The following SLC9A4 variants were observed in gnomAD, a reference collection of about 807,000 sequenced individuals.
SLC9A4 encodes the protein sodium/hydrogen exchanger 4.
SLC9A4 carries 63 observed loss-of-function variants against 67.4 expected under a neutral mutation model. That is an observed-to-expected ratio of 0.93 (90% confidence interval 0.76 to 1.15). The LOEUF is 1.15. SLC9A4 is among the 50% of genes most tolerant of loss of function. SLC9A4 has a pLI of 0.00. For synonymous variants in SLC9A4, 393 were observed against 367.2 expected (o/e 1.07, Z -0.80); for missense variants, 1,089 against 987.7 (o/e 1.10, Z -1.38).
intron 6 of SLC9A4, among the ~76,000 whole-genome samples, chr2:102,510,112 GTCC>G (rs974500069): frequency 6.7e-6 from 1 of 150,138 alleles, no homozygotes; most frequent in African/African-American, 2.5e-5. Context: ...CTTTCATTTT[GTCC>G]TCCTTTTTTG....
intron 2 of SLC9A4, among the ~76,000 whole-genome samples, chr2:102,495,338 A>T (rs1228734295): frequency 6.6e-6 from 1 of 152,134 alleles, no homozygotes; most frequent in Non-Finnish European, 1.5e-5. Context: ...AGATCCTTTC[A>T]TTGAATATTA....
In SLC9A4 at chr2:102,479,312, C is replaced by T. The variant is rs530451558; in HGVS notation, c.720+10C>T. 3 of 1,595,240 alleles carry T rather than the reference C, an allele frequency of 1.9e-6. No individual in the cohort carries two copies. The highest frequency in any genetic ancestry group is 2.2e-5 in the East Asian group (1 of 44,498). Reference sequence around the variant, plus strand: ...TGATGGCATTACTGTGGTGAGATGTCATGTGCCCGCCCGGCTTCCGGGGGA... The same window carrying T: ...TGATGGCATTACTGTGGTGAGATGTTATGTGCCCGCCCGGCTTCCGGGGGA... On this transcript the variant is annotated intron_variant, in intron 2 of 11. Coordinates refer to ENST00000295269, the MANE Select transcript of SLC9A4 (RefSeq NM_001011552.4).
At chr2:102,483,799 CATATATATATATATATATAT>C (rs61195337) in intron 2 of SLC9A4, among the ~76,000 whole-genome samples, 1,868 of 114,298 alleles carry the variant, frequency 0.016, 73 homozygotes, top group African/African-American at 0.057. Context: ...CCATGTACAG[CATATATATATATATATATAT>C]ATATATATAT....
At chr2:102,523,436 T>G (rs1456585082) in intron 9 of SLC9A4, among the ~76,000 whole-genome samples, 2 of 152,212 alleles carry the variant, frequency 1.3e-5, no homozygotes, top group Non-Finnish European at 2.9e-5. Context: ...AGGATGCCAT[T>G]GTCAATCCCT....
chr2:102,491,933 A>G (rs1684711511), intron 2 of SLC9A4, among the ~76,000 whole-genome samples: 1 of 152,160 alleles, frequency 6.6e-6, no homozygotes, highest in African/African-American at 2.4e-5. Flanking sequence ...ACCTCTTCCA[A>G]ATGGGAGAAA....
chr2:102,514,260 T>A lies in SLC9A4; in HGVS notation c.1721+9T>A. On this transcript the variant is annotated intron_variant, in intron 8 of 11. Transcript: ENST00000295269. ...TTCTCCATACCCCATCAGTGAGTCATATCTGTTCTTTGTTCTAAACTTTCA... is the reference window on the plus strand; with the variant it reads ...TTCTCCATACCCCATCAGTGAGTCAAATCTGTTCTTTGTTCTAAACTTTCA... 1 of 1,588,072 alleles carries A rather than the reference T, an allele frequency of 6.3e-7. No individual in the cohort carries two copies. The highest frequency in any genetic ancestry group is 8.6e-7 in the Non-Finnish European group (1 of 1,164,818).
intron 7 of SLC9A4, among the ~76,000 whole-genome samples, 188 bp from the exon 8 acceptor site, chr2:102,513,902 T>A (rs145475960): frequency 0.015 from 2,339 of 152,346 alleles, 23 homozygotes; most frequent in Non-Finnish European, 0.026. Context: ...TTTTTTTTAT[T>A]TTAAAAAATG....
At chr2:102,522,557 C>T (rs1685450937) in intron 9 of SLC9A4, among the ~76,000 whole-genome samples, 1 of 152,086 alleles carries the variant, frequency 6.6e-6, no homozygotes, top group Admixed American at 6.6e-5. Flanking sequence ...AAAGTGCAGC[C>T]TCCTCCCAAG....
chr2:102,513,927 A>AT lies in SLC9A4; in HGVS notation c.1560-156dup, dbSNP rs553915122. On this transcript the variant is annotated intron_variant, in intron 7 of 11. Transcript: ENST00000295269. The stretch of plus-strand genomic sequence containing the variant: ...TTTAAAAAATGCATAAATGCTATGA[A>AT]TTTTTTTAAAAAATGTGTTCAAATG... 2.8e-4 allele frequency among the ~76,000 whole-genome samples: 42 copies of AT among 152,266 alleles called. No individual in the cohort carries two copies. In the South Asian group the frequency reaches 8.5e-3, roughly 31 times the overall value.
chr2:102,488,408 G>A (rs1053769602), intron 2 of SLC9A4, among the ~76,000 whole-genome samples: 1 of 152,100 alleles, frequency 6.6e-6, no homozygotes, highest in African/African-American at 2.4e-5. Flanking sequence ...CAGGCGATGG[G>A]TGAGGGAGGA....
chr2:102,530,992 T>A (rs978885523), intron 11 of SLC9A4, among the ~76,000 whole-genome samples: 2 of 152,186 alleles, frequency 1.3e-5, no homozygotes, highest in African/African-American at 4.8e-5. Flanking sequence ...GAGTTTTTGT[T>A]TTGTTTTTTT....
At chr2:102,475,142 T>A (rs541466040) in intron 1 of SLC9A4, among the ~76,000 whole-genome samples, 6 of 152,234 alleles carry the variant, frequency 3.9e-5, no homozygotes, top group Non-Finnish European at 8.8e-5. Flanking sequence ...GCTTAGTGAA[T>A]AAGTTACACA....
chr2:102,511,735 T>A (rs1204966211), intron 6 of SLC9A4, among the ~76,000 whole-genome samples: 1 of 152,038 alleles, frequency 6.6e-6, no homozygotes, highest in Non-Finnish European at 1.5e-5. Context: ...TATGTTATAG[T>A]AGAATATTAA....
At chr2:102,515,674 T>C (rs1280790638) in intron 8 of SLC9A4, among the ~76,000 whole-genome samples, 1 of 152,024 alleles carries the variant, frequency 6.6e-6, no homozygotes, top group African/African-American at 2.4e-5. Flanking sequence ...TCATCAGTAA[T>C]TTTTTGCATT....
chr2:102,532,358 A>G lies in SLC9A4; in HGVS notation c.2067A>G (p.Pro689=). The change falls in exon 12 of 12, where the codon CCA becomes CCG. Residue 689 remains proline, a synonymous_variant. Transcript: ENST00000295269. ...SDDDSSDPGS[P]SITFSACSRI... ...ATGACAGCAGTGATCCAGGATCCCC[A>G]TCCATCACGTTCAGCGCATGCTCTC... is the stretch of plus-strand genomic sequence containing the variant. The G allele has an allele frequency of 6.2e-7, 1 of 1,613,768 alleles. No homozygotes were observed. Among genetic ancestry groups the G allele is most frequent in the South Asian group, 1.1e-5 (1 of 91,062 alleles).
chr2:102,528,679 G>C (rs1674717371), intron 11 of SLC9A4, among the ~76,000 whole-genome samples: 1 of 152,110 alleles, frequency 6.6e-6, no homozygotes, highest in African/African-American at 2.4e-5. Context: ...ACAAAATACA[G>C]CAAAACACTA....
At chr2:102,485,094 C>A (rs1356440450) in intron 2 of SLC9A4, among the ~76,000 whole-genome samples, 1 of 152,078 alleles carries the variant, frequency 6.6e-6, no homozygotes, top group East Asian at 1.9e-4. Context: ...GGACAGAGAC[C>A]CCCTGGACCC....
Position 102,478,903 on chromosome 2 carries a change from G to A in SLC9A4, c.321G>A (p.Gly107=). The A allele has an allele frequency of 1.2e-6, 2 of 1,614,142 alleles. No homozygotes were observed. Among genetic ancestry groups the A allele is most frequent in the Middle Eastern group, 1.7e-4 (1 of 6,060 alleles). Residue 107 remains glycine (G), a synonymous_variant, in exon 2 of 12, where the codon GGG becomes GGA. Transcript: ENST00000295269. ...MPESCLLILV[G]ALVGGIIFGT... is the part of the protein sequence containing the mutation. ...AAAGCTGCCTCCTCATCCTGGTGGG[G>A]GCGCTGGTGGGCGGCATCATCTTCG...
intron 2 of SLC9A4, among the ~76,000 whole-genome samples, chr2:102,491,871 G>A (rs1266636886): frequency 1.3e-5 from 2 of 152,124 alleles, no homozygotes; most frequent in Admixed American, 1.3e-4. Flanking sequence ...AAAATCAAAA[G>A]CAAGTTAGTT....
Sources: gnomAD v4.1 joint callset for allele counts (sites outside exome capture counted in the v4.1 genomes callset) on GRCh38, gnomAD v4.1.1 for gene constraint, MANE v1.5 for transcripts, NCBI Gene and HGNC (gene_info 2026-07-23, HGNC 2026-07-21) for gene names.